The following ATP8A2 variants were observed in gnomAD, a reference collection of about 807,000 sequenced individuals.
ATP8A2 encodes phospholipid-transporting ATPase IB.
Under a neutral mutation model 165.6 loss-of-function variants are expected in ATP8A2, and 100 were observed. The ratio of observed to expected loss-of-function variants is 0.60; its 90% CI spans 0.51 to 0.71. The LOEUF (loss-of-function observed/expected upper bound fraction) is 0.71. Among genes scored for constraint, ATP8A2 ranks in the 30% least tolerant of loss-of-function variants. The probability of loss-of-function intolerance (pLI) is 0.00; values close to 1 mark genes in which losing one functional copy is unlikely to be tolerated. For missense variants in ATP8A2, 1,227 were observed against 1,479.5 expected (o/e 0.83, Z 2.80); for synonymous variants, 543 against 548.8 (o/e 0.99, Z 0.15).
At chr13:25,608,412 G>C (rs534338558) in intron 24 of ATP8A2, among the ~76,000 whole-genome samples, 1 of 152,182 alleles carries the variant, frequency 6.6e-6, no homozygotes, top group Non-Finnish European at 1.5e-5. Context: ...TTACATGACA[G>C]TATGTTCTCT....
intron 33 of ATP8A2, among the ~76,000 whole-genome samples, chr13:25,898,758 G>A (rs770457489): frequency 1.8e-4 from 28 of 152,284 alleles, no homozygotes; most frequent in Non-Finnish European, 2.9e-4. Context: ...CCTCGCTGCC[G>A]CCTTGCAGTT....
chr13:25,574,680 GT>G, intron 18 of ATP8A2, 127 bp from the exon 19 acceptor site: 1 of 698,384 alleles, frequency 1.4e-6, no homozygotes, highest in Non-Finnish European at 2.6e-6. Flanking sequence ...AACAGTACAT[GT>G]TGCAAAGGGC....
intron 25 of ATP8A2, among the ~76,000 whole-genome samples, chr13:25,735,225 C>G (rs2043741668): frequency 6.6e-6 from 1 of 152,122 alleles, no homozygotes; most frequent in African/African-American, 2.4e-5. Flanking sequence ...GAGGTCATAT[C>G]TTCGAGGACA....
chr13:25,422,081 C>T (rs1283872752), intron 1 of ATP8A2, among the ~76,000 whole-genome samples: 1 of 152,074 alleles, frequency 6.6e-6, no homozygotes, highest in Non-Finnish European at 1.5e-5. Flanking sequence ...AAACCCTGAG[C>T]TCTGGTTTTC....
chr13:25,930,889 C>CA (rs1044160050), intron 33 of ATP8A2, among the ~76,000 whole-genome samples: 3 of 152,226 alleles, frequency 2.0e-5, no homozygotes, highest in African/African-American at 7.2e-5. Context: ...AGGAACTACT[C>CA]AGCCTTGCCG....
chr13:25,462,436 A>G (rs58746236), intron 1 of ATP8A2, among the ~76,000 whole-genome samples: 10,169 of 152,194 alleles, frequency 0.067, 463 homozygotes, highest in African/African-American at 0.12. Context: ...ACCAGTCAGG[A>G]CCAGCCAATT....
chr13:25,857,009 T>C (rs1420548339), intron 30 of ATP8A2, among the ~76,000 whole-genome samples: 1 of 152,232 alleles, frequency 6.6e-6, no homozygotes, highest in Non-Finnish European at 1.5e-5. Flanking sequence ...ATGTAACTTA[T>C]TCCATTTCAT....
intron 30 of ATP8A2, among the ~76,000 whole-genome samples, chr13:25,846,121 G>T (rs140224677): frequency 0.034 from 5,154 of 152,316 alleles, 116 homozygotes; most frequent in Non-Finnish European, 0.054. Context: ...GTTGCAGTGA[G>T]CCGAGATCGT....
At chr13:25,465,288 C>A (rs2035604355) in intron 1 of ATP8A2, among the ~76,000 whole-genome samples, 1 of 152,004 alleles carries the variant, frequency 6.6e-6, no homozygotes, top group Non-Finnish European at 1.5e-5. Flanking sequence ...GATGAGGCCA[C>A]TGAGGTAGAA....
intron 25 of ATP8A2, among the ~76,000 whole-genome samples, chr13:25,740,788 A>G (rs565880183): frequency 1.3e-5 from 2 of 152,370 alleles, no homozygotes; most frequent in East Asian, 3.9e-4. Flanking sequence ...GTAAATGAAT[A>G]TTAAGGTCTG....
At chr13:25,434,251 G>A (rs2034692464) in intron 1 of ATP8A2, among the ~76,000 whole-genome samples, 2 of 152,182 alleles carry the variant, frequency 1.3e-5, no homozygotes, top group African/African-American at 4.8e-5. Flanking sequence ...CTGACCCACA[G>A]TTTGTCATTT....
At chr13:25,628,858 C>G (rs1002577454) in intron 24 of ATP8A2, among the ~76,000 whole-genome samples, 2 of 152,168 alleles carry the variant, frequency 1.3e-5, no homozygotes, top group Non-Finnish European at 2.9e-5. Flanking sequence ...GCTGAGAGTA[C>G]TGGGGGTTAG....
At chr13:25,749,121 G>A (rs217868) in intron 25 of ATP8A2, among the ~76,000 whole-genome samples, 4 of 152,262 alleles carry the variant, frequency 2.6e-5, no homozygotes, top group East Asian at 1.9e-4. Context: ...TCTGTCTTCC[G>A]TGAAATAAAA....
At chr13:25,860,071 A>G (rs1952299679) in intron 30 of ATP8A2, 124 bp from the exon 31 acceptor site, 13 of 574,848 alleles carry the variant, frequency 2.3e-5, no homozygotes, top group Non-Finnish European at 3.2e-5. Flanking sequence ...GAGTCACAGG[A>G]TGGGATTTTG....
intron 24 of ATP8A2, among the ~76,000 whole-genome samples, chr13:25,658,777 T>G (rs1053577758): frequency 3.9e-5 from 6 of 152,192 alleles, no homozygotes; most frequent in Admixed American, 3.9e-4. Context: ...TTCTCTGAAC[T>G]TTCCCCAAAA....
intron 25 of ATP8A2, among the ~76,000 whole-genome samples, chr13:25,702,950 G>A (rs1014605569): frequency 1.3e-5 from 2 of 152,094 alleles, no homozygotes; most frequent in Non-Finnish European, 2.9e-5. Flanking sequence ...TGGTCCTATC[G>A]TATTCCCACT....
chr13:25,544,008 C>T (rs1057509694), intron 10 of ATP8A2, among the ~76,000 whole-genome samples: 1 of 152,236 alleles, frequency 6.6e-6, no homozygotes, highest in Non-Finnish European at 1.5e-5. Flanking sequence ...CACTTGGCAT[C>T]TTATTTTTGC....
intron 2 of ATP8A2, among the ~76,000 whole-genome samples, chr13:25,490,726 GTT>G (rs61044184): frequency 1.4e-4 from 21 of 150,002 alleles, no homozygotes; most frequent in African/African-American, 5.2e-4. Context: ...TAGTTTTTTT[GTT>G]TTTTTTTTGT....
intron 24 of ATP8A2, among the ~76,000 whole-genome samples, chr13:25,601,914 A>T (rs962449566): frequency 1.3e-5 from 2 of 152,220 alleles, no homozygotes; most frequent in African/African-American, 4.8e-5. Context: ...CTTTATATAA[A>T]TTATCTCTCT....
Sources: gnomAD v4.1 joint callset for allele counts (sites outside exome capture counted in the v4.1 genomes callset) on GRCh38, gnomAD v4.1.1 for gene constraint, MANE v1.5 for transcripts, NCBI Gene and HGNC (gene_info 2026-07-23, HGNC 2026-07-21) for gene names.